PEAR1: variants seen among roughly 807,000 people sequenced by gnomAD.
PEAR1 encodes multiple EGF-like domains protein 12.
PEAR1 carries 113 observed loss-of-function variants against 131.2 expected under a neutral mutation model. That is an observed-to-expected ratio of 0.86 (90% CI 0.74 to 1.01). PEAR1 has a LOEUF of 1.01. Ranked by LOEUF, PEAR1 falls within the 50% of genes least tolerant of loss-of-function variation. The probability of loss-of-function intolerance (pLI) is 0.00; values close to 1 mark genes in which losing one functional copy is unlikely to be tolerated. For synonymous variants in PEAR1, 565 were observed against 523.3 expected (o/e 1.08, Z -1.09); for missense variants, 1,408 against 1,391.1 (o/e 1.01, Z -0.19).
chr1:156,914,628 C>T lies in PEAR1; in HGVS notation c.2963-19C>T, dbSNP rs200061819. On this transcript the variant is annotated intron_variant, in intron 22 of 22. Coordinates refer to ENST00000292357, the MANE Select transcript of PEAR1 (RefSeq NM_001080471.3). ...GGTGGGAGGAGCCACTCCCTCTTAT[C>T]TTGTCCTCATGTTTCCAGACCGAGA... is the stretch of plus-strand genomic sequence containing the variant. The T allele has an allele frequency of 4.4e-6, 7 of 1,605,162 alleles. No individual in the cohort carries two copies. The East Asian group carries it at 1.6e-4, about 36-fold the overall frequency.
chr1:156,901,035 G>A (rs980535314), intron 1 of PEAR1, among the ~76,000 whole-genome samples: 5 of 152,250 alleles, frequency 3.3e-5, no homozygotes, highest in Non-Finnish European at 7.4e-5. Context: ...TCTGGCCTGT[G>A]TTCCCTTCTC....
In PEAR1 at chr1:156,907,724, C is replaced by T. The variant is rs1360807905; in HGVS notation, c.759C>T (p.Gly253=). The T allele has an allele frequency of 6.2e-7, 1 of 1,608,198 alleles. No homozygotes were observed. The highest frequency in any genetic ancestry group is 1.3e-5 in the African/African-American group (1 of 74,622). ...AGGGCTCCTGCAGCTGCCCCCCTGG[C>T]TGGATGGTATGGAGGGTGGGGCCTG... ...TPQGSCSCPP[G]WMGTICSLPC... The change falls in exon 7 of 23, where the codon GGC becomes GGT. Residue 253 remains glycine, a synonymous_variant. Coordinates refer to ENST00000292357, the MANE Select transcript of PEAR1 (RefSeq NM_001080471.3).
chr1:156,899,800 C>G (rs1383425986), intron 1 of PEAR1, among the ~76,000 whole-genome samples: 1 of 152,090 alleles, frequency 6.6e-6, no homozygotes. Context: ...GGGATTCACA[C>G]CCAGGCTTGA....
In PEAR1 at chr1:156,907,649, C is replaced by T. The variant is rs148520058; in HGVS notation, c.684C>T (p.Phe228=). Reference sequence around the variant, plus strand: ...GTTCCCAGGGCACTTCTGGCTTCTTCTGCCCCAGCACCCATTCTTGCCAAA... The same window carrying T: ...GTTCCCAGGGCACTTCTGGCTTCTTTTGCCCCAGCACCCATTCTTGCCAAA... ...VSCSQGTSGF[F]CPSTHSCQNG... Residue 228 remains phenylalanine (F), a synonymous_variant, in exon 7 of 23, where the codon TTC becomes TTT. Transcript: ENST00000292357. The T allele has an allele frequency of 1.2e-6, 2 of 1,613,972 alleles. No homozygotes were observed. The highest frequency in any genetic ancestry group is 2.2e-5 in the East Asian group (1 of 44,886).
intron 6 of PEAR1, 152 bp from the exon 7 acceptor site, chr1:156,907,458 C>A (rs1650461031): frequency 5.0e-6 from 7 of 1,388,986 alleles, no homozygotes; most frequent in Non-Finnish European, 6.7e-6. Context: ...GTCCTGGAAA[C>A]CTTTGCTTTC....
Position 156,908,991 on chromosome 1 carries a change from G to A in PEAR1, c.1366G>A (p.Ala456Thr). 6.2e-7 allele frequency: 1 copy of A among 1,614,126 alleles called. No individual in the cohort carries two copies. Among genetic ancestry groups the A allele is most frequent in the Non-Finnish European group, 8.5e-7 (1 of 1,180,036 alleles). The part of the protein sequence containing the change: ...NCSARCSCEN[A>T]IACSPIDGEC... The stretch of plus-strand genomic sequence containing the variant: ...TTCTGCACGCTGCTCATGTGAAAAT[G>A]CCATCGCCTGCTCACCCATCGACGG... The change falls in exon 11 of 23, where the codon GCC becomes ACC. Residue 456 changes from alanine to threonine, a missense_variant. Physicochemically the swap from Ala to Thr is moderately conservative, Grantham distance 58 (BLOSUM62 0). Coordinates refer to ENST00000292357, the MANE Select transcript of PEAR1 (RefSeq NM_001080471.3). This position sits in a 1 kb window ranked among gnomAD's most constrained non-coding sequence, Gnocchi z 4.2.
chr1:156,910,695 G>C lies in PEAR1; in HGVS notation c.1903G>C (p.Gly635Arg). The change falls in exon 15 of 23, where the codon GGG (glycine) becomes CGG (arginine). Residue 635 changes from glycine (G) to arginine (R), a missense_variant. Gly to Arg is a moderately radical substitution (Grantham distance 125). Coordinates refer to ENST00000292357, the MANE Select transcript of PEAR1 (RefSeq NM_001080471.3). ...ANHSFCHPSN[G>R]TCYCLAGWTG... Reference sequence around the variant, plus strand: ...CCACTCCTTCTGCCACCCCTCGAACGGGACCTGCTACTGCCTGGCTGGCTG... The same window carrying C: ...CCACTCCTTCTGCCACCCCTCGAACCGGACCTGCTACTGCCTGGCTGGCTG... 1 of 1,614,148 alleles carries C rather than the reference G, an allele frequency of 6.2e-7. No individual in the cohort carries two copies. The highest frequency in any genetic ancestry group is 8.5e-7 in the Non-Finnish European group (1 of 1,180,032).
chr1:156,906,564 G>A (rs1650326483), intron 5 of PEAR1, 73 bp from the exon 6 acceptor site: 7 of 1,589,828 alleles, frequency 4.4e-6, no homozygotes, highest in Non-Finnish European at 4.3e-6. Context: ...GACAGAGGCT[G>A]GGAGACAGAG....
At chr1:156,910,565 G>C in intron 14 of PEAR1, 53 bp from the exon 15 acceptor site, 1 of 1,603,714 alleles carries the variant, frequency 6.2e-7, no homozygotes, top group Non-Finnish European at 8.5e-7. Context: ...TGGGGTAAGG[G>C]CTGATTGAGG....
Position 156,908,979 on chromosome 1 carries a change from T to C in PEAR1, c.1354T>C (p.Ser452Pro). The change falls in exon 11 of 23, where the codon TCA (serine) becomes CCA (proline). Residue 452 changes from serine (S) to proline (P), a missense_variant. Physicochemically the swap from Ser to Pro is moderately conservative, Grantham distance 74. Transcript: ENST00000292357. This position sits in a 1 kb window ranked among gnomAD's most constrained non-coding sequence, Gnocchi z 4.2. ...CGGTGTCAACTGTTCTGCACGCTGC[T>C]CATGTGAAAATGCCATCGCCTGCTC... Reference protein sequence around the residue: ...TYGVNCSARCSCENAIACSPI... With the variant: ...TYGVNCSARCPCENAIACSPI... 1 of 1,614,034 alleles carries C rather than the reference T, an allele frequency of 6.2e-7. No homozygotes were observed. Among genetic ancestry groups the C allele is most frequent in the Non-Finnish European group, 8.5e-7 (1 of 1,179,948 alleles).
Position 156,908,219 on chromosome 1 carries a change from G to C in PEAR1, c.994G>C (p.Gly332Arg). Residue 332 changes from glycine to arginine, a missense_variant, in exon 9 of 23, where the codon GGC (glycine) becomes CGC (arginine). Coordinates refer to ENST00000292357, the MANE Select transcript of PEAR1 (RefSeq NM_001080471.3). The surrounding 1 kb of genome is among the most constrained non-coding windows in gnomAD (Gnocchi z 4.2). ...GGACGCCCGTTGCTTCCCGGCCAAC[G>C]GCGCATGTCTGTGCGAACACGGCTT... ...APDARCFPAN[G>R]ACLCEHGFTG... The C allele has an allele frequency of 6.2e-7, 1 of 1,602,762 alleles. No homozygotes were observed. Among genetic ancestry groups the C allele is most frequent in the South Asian group, 1.1e-5 (1 of 90,156 alleles).
intron 15 of PEAR1, among the ~76,000 whole-genome samples, chr1:156,911,081 C>CTTTCTTTG (rs1558143774): frequency 2.3e-5 from 3 of 130,406 alleles, no homozygotes; most frequent in African/African-American, 9.9e-5. Context: ...TTCTTTCTTT[C>CTTTCTTTG]TTTCTTTCTT....
intron 1 of PEAR1, among the ~76,000 whole-genome samples, chr1:156,896,213 T>C (rs76976606): frequency 6.9e-4 from 105 of 152,322 alleles, no homozygotes; most frequent in Middle Eastern, 3.4e-3. Context: ...CTTCATAAAA[T>C]GGGAGGCATA....
Position 156,912,813 on chromosome 1 carries a change from G to A in PEAR1, c.2253G>A (p.Ala751=), listed in dbSNP as rs118002868. 184 of 1,614,224 alleles carry A rather than the reference G, an allele frequency of 1.1e-4. 1 individual carries two copies. In the East Asian group the frequency reaches 1.2e-3, roughly 10 times the overall value. ...PFTVMPTTPV[A]YNSLGAVIGI... ...CTGTGATGCCGACCACTCCAGTAGC[G>A]TATAACTCGCTGGGTGCAGTGATTG... Residue 751 remains alanine, a synonymous_variant, in exon 18 of 23, where the codon GCG becomes GCA. Coordinates refer to ENST00000292357, the MANE Select transcript of PEAR1 (RefSeq NM_001080471.3).
At chr1:156,913,350 T>A in intron 19 of PEAR1, 41 bp from the exon 20 acceptor site, 1 of 1,606,698 alleles carries the variant, frequency 6.2e-7, no homozygotes. Context: ...GAAAGCCCTG[T>A]CCTTGCCTCT....
intron 1 of PEAR1, among the ~76,000 whole-genome samples, chr1:156,899,838 G>C (rs12086222): frequency 0.18 from 26,990 of 152,126 alleles, 2,810 homozygotes; most frequent in East Asian, 0.35. Context: ...GGGTGCAGAG[G>C]TGAGGGGTTA....
chr1:156,913,899 A>G lies in PEAR1; in HGVS notation c.2761A>G (p.Ser921Gly), dbSNP rs1651575423. 1.2e-6 allele frequency: 2 copies of G among 1,613,942 alleles called. No homozygotes were observed. The highest frequency in any genetic ancestry group is 2.2e-5 in the South Asian group (2 of 91,080). The change falls in exon 22 of 23, where the codon AGT becomes GGT. Residue 921 changes from serine to glycine, a missense_variant. Physicochemically the swap from Ser to Gly is moderately conservative, Grantham distance 56. Coordinates refer to ENST00000292357, the MANE Select transcript of PEAR1 (RefSeq NM_001080471.3). ...ELGASVASLS[S>G]ENPYATIRDL... ...CGGGGCCAGTGTGGCTTCCCTGAGC[A>G]GTGAGAACCCATATGCCACCATCCG...
At chr1:156,905,164 CGAG>C (rs1650125721) in intron 3 of PEAR1, among the ~76,000 whole-genome samples, 157 bp from the exon 4 acceptor site, 1 of 151,920 alleles carries the variant, frequency 6.6e-6, no homozygotes, top group Non-Finnish European at 1.5e-5. Context: ...AGTGCAGTGG[CGAG>C]ATCGTAGTGC....
Position 156,913,996 on chromosome 1 carries a change from C to T in PEAR1, c.2858C>T (p.Ser953Phe). The T allele has an allele frequency of 6.2e-7, 1 of 1,613,298 alleles. No individual in the cohort carries two copies. The highest frequency in any genetic ancestry group is 8.5e-7 in the Non-Finnish European group (1 of 1,179,682). ...GAGATGAAAGGCCCTCCCTCAGGATCTCCCCCCAGGCAGCCTCCTCAGTTC... is the reference window on the plus strand; with the variant it reads ...GAGATGAAAGGCCCTCCCTCAGGATTTCCCCCCAGGCAGCCTCCTCAGTTC... ...YMEMKGPPSGSPPRQPPQFWD... is the reference protein window; with the variant it reads ...YMEMKGPPSGFPPRQPPQFWD... Residue 953 changes from serine to phenylalanine, a missense_variant, in exon 22 of 23, where the codon TCT (serine) becomes TTT (phenylalanine). Ser to Phe is a radical substitution (Grantham distance 155, BLOSUM62 -2). Transcript: ENST00000292357.
Sources: gnomAD v4.1 joint callset for allele counts (sites outside exome capture counted in the v4.1 genomes callset) on GRCh38, gnomAD v4.1.1 for gene constraint, Gnocchi (gnomAD v3.1) non-coding constraint, MANE v1.5 for transcripts, NCBI Gene and HGNC (gene_info 2026-07-23, HGNC 2026-07-21) for gene names.